Variants in RUSC2 observed in about 807,000 individuals in gnomAD.
The protein encoded by RUSC2 is RUN and SH3 domain containing 2, also known as AP-4 complex accessory subunit RUSC2.
A neutral mutation model predicts 122.2 loss-of-function variants in RUSC2; 34 were observed. The observed-to-expected ratio is 0.28, with a 90% CI of 0.21 to 0.37. The LOEUF is 0.37. RUSC2 is among the 10% of genes least tolerant of loss of function. RUSC2 has a pLI of 1.00. For missense variants in RUSC2, 1,747 were observed against 1,952.4 expected (o/e 0.89, Z 1.98); for synonymous variants, 784 against 790.0 (o/e 0.99, Z 0.13).
intron 1 of RUSC2, among the ~76,000 whole-genome samples, chr9:35,499,435 ATTG>A (rs1820781851): frequency 6.6e-6 from 1 of 152,208 alleles, no homozygotes. Context: ...GTTCCTTGGA[ATTG>A]TTGGTTTAAT....
At chr9:35,492,687 T>C (rs1820590902) in intron 1 of RUSC2, among the ~76,000 whole-genome samples, 1 of 152,044 alleles carries the variant, frequency 6.6e-6, no homozygotes, top group African/African-American at 2.4e-5. Flanking sequence ...TATATATATA[T>C]ATAACATAGA....
intron 1 of RUSC2, among the ~76,000 whole-genome samples, chr9:35,519,813 T>C (rs1025955465): frequency 6.6e-6 from 1 of 152,224 alleles, no homozygotes; most frequent in Non-Finnish European, 1.5e-5. Flanking sequence ...TTATTTTTAC[T>C]TCAAGCTTTT....
At chr9:35,549,638 T>C (rs1351485225) in intron 2 of RUSC2, among the ~76,000 whole-genome samples, 1 of 152,218 alleles carries the variant, frequency 6.6e-6, no homozygotes, top group Non-Finnish European at 1.5e-5. Context: ...ATGATTAGGA[T>C]TGGGCTTTGT....
intron 1 of RUSC2, among the ~76,000 whole-genome samples, chr9:35,513,978 C>T (rs1306124426): frequency 4.8e-5 from 6 of 124,060 alleles, no homozygotes; most frequent in African/African-American, 9.1e-5. Context: ...CTTTTAAATA[C>T]GTTTTTATAG....
At position 35,555,692 on chromosome 9, in the gene RUSC2, C is replaced by A. The variant is rs374541449; in HGVS notation, c.2647C>A (p.Pro883Thr). ...TGGTGAGGGCAGCATGGCCACCAGG[C>A]CCAGTAATGGTACGAGCTCCAGCAT... ...GGGEGSMATR[P>T]SNANHLSPQA... Residue 883 changes from proline (P) to threonine (T), a missense_variant, in exon 3 of 12, where the codon CCC (proline) becomes ACC (threonine). Physicochemically the swap from Pro to Thr is conservative, Grantham distance 38. Coordinates refer to ENST00000361226, the MANE Select transcript of RUSC2 (RefSeq NM_014806.5). This position sits in a 1 kb window ranked among gnomAD's most constrained non-coding sequence, Gnocchi z 4.6. 4 of 1,588,280 alleles carry A rather than the reference C, an allele frequency of 2.5e-6. No individual in the cohort carries two copies. The highest frequency in any genetic ancestry group is 3.4e-6 in the Non-Finnish European group (4 of 1,176,598).
chr9:35,496,493 C>T (rs753142983), intron 1 of RUSC2, among the ~76,000 whole-genome samples: 2 of 152,172 alleles, frequency 1.3e-5, no homozygotes, highest in Admixed American at 6.6e-5. Flanking sequence ...TTGGCCAGCC[C>T]ATCTGCCCCT....
At chr9:35,501,664 A>G (rs916331802) in intron 1 of RUSC2, among the ~76,000 whole-genome samples, 1 of 152,184 alleles carries the variant, frequency 6.6e-6, no homozygotes, top group Non-Finnish European at 1.5e-5. Flanking sequence ...TGGGTTTGGG[A>G]TATATATAGT....
rs986989753 is a variant in RUSC2, at chr9:35,549,579, G to A, written c.2014+1044G>A. The stretch of plus-strand genomic sequence containing the variant: ...AGGGGTATGTAAATCAGACTGAAAC[G>A]TCAGGGAGGAACTGCTAATGCAGTT... On this transcript the variant is annotated intron_variant, in intron 2 of 11. Transcript: ENST00000361226. Among the ~76,000 whole-genome samples, 8 of 152,160 alleles carry A rather than the reference G, an allele frequency of 5.3e-5. No homozygotes were observed. The East Asian group carries it at 7.7e-4, about 15-fold the overall frequency.
intron 1 of RUSC2, among the ~76,000 whole-genome samples, chr9:35,545,790 A>G (rs1821731839): frequency 6.6e-6 from 1 of 152,192 alleles, no homozygotes; most frequent in Admixed American, 6.5e-5. Flanking sequence ...TCTGCATTCA[A>G]GAAGTTCTAG....
At chr9:35,531,007 C>A (rs1425592141) in intron 1 of RUSC2, among the ~76,000 whole-genome samples, 3 of 152,026 alleles carry the variant, frequency 2.0e-5, no homozygotes, top group Non-Finnish European at 4.4e-5. Context: ...TGCCTGTAAT[C>A]CCAGCACTTT....
At chr9:35,496,664 A>G (rs1820720082) in intron 1 of RUSC2, among the ~76,000 whole-genome samples, 1 of 152,208 alleles carries the variant, frequency 6.6e-6, no homozygotes, top group African/African-American at 2.4e-5. Flanking sequence ...ATTCCTCTGA[A>G]GAATTTCATG....
intron 1 of RUSC2, among the ~76,000 whole-genome samples, chr9:35,530,522 G>A (rs1294891438): frequency 1.3e-5 from 2 of 152,164 alleles, no homozygotes; most frequent in African/African-American, 2.4e-5. Context: ...GGAGGGAATG[G>A]GGAAAACAAT....
intron 1 of RUSC2, among the ~76,000 whole-genome samples, chr9:35,537,669 C>T (rs1037363473): frequency 6.6e-6 from 1 of 152,236 alleles, no homozygotes; most frequent in African/African-American, 2.4e-5. Flanking sequence ...AGTTACATCT[C>T]TTCTGGATCC....
intron 1 of RUSC2, among the ~76,000 whole-genome samples, chr9:35,506,212 G>A (rs959755121): frequency 6.6e-6 from 1 of 152,228 alleles, no homozygotes; most frequent in African/African-American, 2.4e-5. Context: ...ATTGTGGTCA[G>A]AGTTGCATAA....
At position 35,557,154 on chromosome 9, in the gene RUSC2, G is replaced by A. The variant is rs777111755; in HGVS notation, c.2983+706G>A. ...AAGACCCACACTATTTAGCAAATAAGTGACCACTGAACTAAGAACATTTTT... is the reference window on the plus strand; with the variant it reads ...AAGACCCACACTATTTAGCAAATAAATGACCACTGAACTAAGAACATTTTT... On this transcript the variant is annotated intron_variant, in intron 5 of 11. Transcript: ENST00000361226. This position sits in a 1 kb window ranked among gnomAD's most constrained non-coding sequence, Gnocchi z 4.6. Among the ~76,000 whole-genome samples, 1 of 152,188 alleles carries A rather than the reference G, an allele frequency of 6.6e-6. No individual in the cohort carries two copies. Among genetic ancestry groups the A allele is most frequent in the Admixed American group, 6.5e-5 (1 of 15,278 alleles).
At chr9:35,533,154 C>T (rs1040319093) in intron 1 of RUSC2, among the ~76,000 whole-genome samples, 3 of 150,908 alleles carry the variant, frequency 2.0e-5, no homozygotes, top group Non-Finnish European at 4.4e-5. Flanking sequence ...GGCTGAGGCA[C>T]GAGAATCGCT....
intron 1 of RUSC2, among the ~76,000 whole-genome samples, chr9:35,491,984 T>C (rs539466071): frequency 6.6e-6 from 1 of 152,216 alleles, no homozygotes; most frequent in African/African-American, 2.4e-5. Flanking sequence ...AAATAAAGCC[T>C]TGGATCATAG....
intron 1 of RUSC2, among the ~76,000 whole-genome samples, chr9:35,491,575 G>C (rs186835949): frequency 6.6e-6 from 1 of 152,302 alleles, no homozygotes; most frequent in Admixed American, 6.5e-5. Context: ...CTGGAGGCTG[G>C]ACATGTTCTC....
rs1232983159 is a variant in RUSC2 at position 35,554,605 on chromosome 9, G to GA, written c.2015-449dup. Among the ~76,000 whole-genome samples the GA allele has an allele frequency of 7.9e-5, 12 of 152,230 alleles. No homozygotes were observed. In the South Asian group the frequency reaches 2.3e-3, roughly 29 times the overall value. ...CCATTGATAGAAATGGAAGTCATCGGAAAAAAGGAGAAAGGTGATGGATAA... is the reference window on the plus strand; with the variant it reads ...CCATTGATAGAAATGGAAGTCATCGGAAAAAAAGGAGAAAGGTGATGGATAA... On this transcript the variant is annotated intron_variant, in intron 2 of 11. Coordinates refer to ENST00000361226, the MANE Select transcript of RUSC2 (RefSeq NM_014806.5).
Sources: gnomAD v4.1 joint callset for allele counts (sites outside exome capture counted in the v4.1 genomes callset) on GRCh38, gnomAD v4.1.1 for gene constraint, Gnocchi (gnomAD v3.1) non-coding constraint, MANE v1.5 for transcripts, NCBI Gene and HGNC (gene_info 2026-07-23, HGNC 2026-07-21) for gene names.